The following RHOBTB1 variants were observed in gnomAD, a reference collection of about 807,000 sequenced individuals.
RHOBTB1 encodes Rho related BTB domain containing 1.
In RHOBTB1, 40 loss-of-function variants were observed where a neutral mutation model predicts 71.6. That is an observed-to-expected ratio of 0.56 (90% CI 0.43 to 0.73). The LOEUF is 0.73. RHOBTB1 is among the 30% of genes least tolerant of loss of function. The pLI is 0.00. For missense variants in RHOBTB1, 797 were observed against 894.0 expected, an observed-to-expected ratio of 0.89 and a Z score of 1.38; for synonymous variants, 319 against 334.9, an observed-to-expected ratio of 0.95 and a Z score of 0.52.
intron 10 of RHOBTB1, 197 bp downstream of exon 10, chr10:60,871,985 CTCA>C (rs962416446): frequency 3.1e-6 from 2 of 635,956 alleles, no homozygotes; most frequent in African/African-American, 1.8e-5. Context: ...CCCAACTCCC[CTCA>C]TCATCAAGTT....
intron 5 of RHOBTB1, among the ~76,000 whole-genome samples, chr10:60,891,840 C>T (rs1008805731): frequency 5.9e-5 from 9 of 152,076 alleles, no homozygotes; most frequent in African/African-American, 1.9e-4. Flanking sequence ...ATTATAGTTC[C>T]CATAATCCCC....
chr10:60,967,850 T>C (rs1398853819), intron 2 of RHOBTB1, among the ~76,000 whole-genome samples: 2 of 152,186 alleles, frequency 1.3e-5, no homozygotes, highest in African/African-American at 4.8e-5. Flanking sequence ...TTTGGTCATA[T>C]TACCCTTTCA....
At chr10:60,883,410 T>A (rs7079357) in intron 7 of RHOBTB1, among the ~76,000 whole-genome samples, 35,766 of 152,112 alleles carry the variant, frequency 0.24, 4,441 homozygotes, top group East Asian at 0.49. Flanking sequence ...ACGATTACAG[T>A]CCATTCTTGG....
At chr10:60,901,486 T>C (rs982687246) in intron 4 of RHOBTB1, among the ~76,000 whole-genome samples, 4 of 152,236 alleles carry the variant, frequency 2.6e-5, no homozygotes, top group Non-Finnish European at 5.9e-5. Flanking sequence ...CAAGAGATCC[T>C]TTCCTTTTGG....
chr10:60,872,027 C>T (rs2080813834), intron 10 of RHOBTB1, 158 bp downstream of exon 10: 1 of 684,236 alleles, frequency 1.5e-6, no homozygotes, highest in Non-Finnish European at 2.6e-6. Flanking sequence ...GCCTTCAATT[C>T]CTTATGTCAT....
chr10:60,910,996 GGAGA>G lies in RHOBTB1; in HGVS notation c.193-10_193-7del. 6.2e-7 allele frequency: 1 copy of G among 1,610,038 alleles called. No individual in the cohort carries two copies. Among genetic ancestry groups the G allele is most frequent in the Non-Finnish European group, 8.5e-7 (1 of 1,176,936 alleles). On this transcript the variant is annotated splice_polypyrimidine_tract_variant and splice_region_variant and intron_variant, in intron 3 of 10. Coordinates refer to ENST00000337910, the MANE Select transcript of RHOBTB1 (RefSeq NM_014836.5). ...TCCCGAGAACGCTCCAAGACCTGCA[GGAGA>G]GAGAGAGAGCATCTGTGCTCGGTGT...
At chr10:60,929,684 G>A (rs1020791453) in intron 2 of RHOBTB1, among the ~76,000 whole-genome samples, 1 of 151,966 alleles carries the variant, frequency 6.6e-6, no homozygotes, top group Non-Finnish European at 1.5e-5. Context: ...CATAATAGAA[G>A]TAACATGAAC....
chr10:60,901,043 A>G (rs1316665778), intron 4 of RHOBTB1, among the ~76,000 whole-genome samples: 1 of 152,256 alleles, frequency 6.6e-6, no homozygotes, highest in African/African-American at 2.4e-5. Context: ...AATTCCAGGT[A>G]AGTTACAACA....
intron 9 of RHOBTB1, among the ~76,000 whole-genome samples, chr10:60,872,795 G>T (rs1219379375): frequency 6.6e-6 from 1 of 152,154 alleles, no homozygotes; most frequent in African/African-American, 2.4e-5. Flanking sequence ...AGGCGGTATG[G>T]GCAGGGTGGA....
At chr10:60,909,331 T>C (rs2082847886) in intron 4 of RHOBTB1, among the ~76,000 whole-genome samples, 1 of 152,238 alleles carries the variant, frequency 6.6e-6, no homozygotes, top group Non-Finnish European at 1.5e-5. Flanking sequence ...TTTTTTTCTG[T>C]TATTTTTTCA....
At chr10:60,887,060 C>T (rs1299748198) in intron 6 of RHOBTB1, among the ~76,000 whole-genome samples, 3 of 150,400 alleles carry the variant, frequency 2.0e-5, no homozygotes, top group Non-Finnish European at 4.4e-5. Flanking sequence ...ATCCCTAAAT[C>T]GTATTTCATA....
intron 2 of RHOBTB1, among the ~76,000 whole-genome samples, chr10:60,982,167 T>C (rs1021684455): frequency 6.6e-6 from 1 of 152,220 alleles, no homozygotes; most frequent in African/African-American, 2.4e-5. Flanking sequence ...CCCATGAACT[T>C]TGCTATAATC....
chr10:60,875,869 C>G (rs773333654), intron 8 of RHOBTB1, among the ~76,000 whole-genome samples: 21 of 152,200 alleles, frequency 1.4e-4, no homozygotes, highest in Admixed American at 2.6e-4. Flanking sequence ...TGTCACCTGC[C>G]TCTGAGACTG....
chr10:60,895,439 T>C (rs1310757293), intron 4 of RHOBTB1, among the ~76,000 whole-genome samples: 1 of 152,210 alleles, frequency 6.6e-6, no homozygotes, highest in Non-Finnish European at 1.5e-5. Flanking sequence ...AGTTTTGCTC[T>C]TGTTGCCCAG....
chr10:60,864,145 C>T, the RHOBTB1 span, among the ~76,000 whole-genome samples: 1 of 152,128 alleles, frequency 6.6e-6, no homozygotes, highest in African/African-American at 2.4e-5. Context: ...TTCCAGTCGC[C>T]CCCTTCCTTA....
At position 60,910,815 on chromosome 10, in the gene RHOBTB1, T is replaced by C. The variant is rs2082927043; in HGVS notation, c.296+72A>G. On this transcript the variant is annotated intron_variant, in intron 4 of 10. Transcript: ENST00000337910. ...CCATATGATGTGGTTTTTGTTGATT[T>C]GTAAACCCGCTGCTGGTTTTGAAAA... 7.0e-6 allele frequency: 8 copies of C among 1,144,962 alleles called. No homozygotes were observed. The South Asian group carries it at 1.0e-4, about 15-fold the overall frequency. 70.9% of individuals were successfully genotyped at this position (1,144,962 alleles called of 1,614,324 possible).
At chr10:60,886,840 A>G (rs1417104896) in intron 6 of RHOBTB1, among the ~76,000 whole-genome samples, 1 of 151,070 alleles carries the variant, frequency 6.6e-6, no homozygotes, top group Non-Finnish European at 1.5e-5. Flanking sequence ...ATGCCTGGCT[A>G]TATGTGTATT....
chr10:60,912,120 C>T (rs2083007988), intron 2 of RHOBTB1, among the ~76,000 whole-genome samples: 2 of 152,076 alleles, frequency 1.3e-5, no homozygotes, highest in African/African-American at 4.8e-5. Flanking sequence ...GAAGAGTAAA[C>T]TGCTAAGTCT....
intron 1 of RHOBTB1, among the ~76,000 whole-genome samples, chr10:60,986,682 G>C (rs1225107080): frequency 1.3e-5 from 2 of 151,826 alleles, no homozygotes; most frequent in African/African-American, 4.8e-5. Flanking sequence ...GAGATAAAAT[G>C]GACTATTTTA....
Sources: gnomAD v4.1 joint callset for allele counts (sites outside exome capture counted in the v4.1 genomes callset) on GRCh38, gnomAD v4.1.1 for gene constraint, MANE v1.5 for transcripts, NCBI Gene and HGNC (gene_info 2026-07-23, HGNC 2026-07-21) for gene names.